GIT2: variants seen among roughly 807,000 people sequenced by gnomAD.
The protein encoded by GIT2 is ARF GTPase-activating protein GIT2.
GIT2 carries 32 observed loss-of-function variants against 100.3 expected under a neutral mutation model. The observed-to-expected ratio is 0.32, with a 90% CI of 0.24 to 0.43. The LOEUF is 0.43. Among genes scored for constraint, GIT2 ranks in the 20% least tolerant of loss-of-function variants. The probability of loss-of-function intolerance (pLI) is 1.00; values close to 1 mark genes in which losing one functional copy is unlikely to be tolerated. For synonymous variants in GIT2, 353 were observed against 364.1 expected (o/e 0.97, Z 0.35); for missense variants, 737 against 975.1 (o/e 0.76, Z 3.25).
chr12:109,951,773 T>A (rs1329558236), intron 13 of GIT2, among the ~76,000 whole-genome samples: 4 of 152,066 alleles, frequency 2.6e-5, no homozygotes, highest in Non-Finnish European at 2.9e-5. Context: ...ATATATTGCA[T>A]GATTGAGGGT....
At chr12:109,987,149 G>A (rs1423093162) in intron 4 of GIT2, among the ~76,000 whole-genome samples, 13 of 152,008 alleles carry the variant, frequency 8.6e-5, no homozygotes, top group African/African-American at 1.9e-4. Flanking sequence ...TTGGGAGGCC[G>A]AGGCGGGAGG....
Position 109,951,294 on chromosome 12 carries a change from T to C in GIT2, c.1265A>G (p.Asp422Gly). ...AAATTCCTGTACAGTGACTGGTCCA[T>C]CTGATAAATCTGAATCTAGGCTCTA... is the stretch of plus-strand genomic sequence containing the variant. ...RQKSLDSDLS[D>G]GPVTVQEFME... The change falls in exon 14 of 20, where the codon GAT (aspartate) becomes GGT (glycine). Residue 422 changes from aspartate to glycine, a missense_variant. Around this residue, in one of 3 missense-constraint regions of GIT2, gnomAD observed 451 missense variants for 543.7 expected, o/e 0.83. Coordinates refer to ENST00000355312, the MANE Select transcript of GIT2 (RefSeq NM_057169.5). 1 of 1,611,828 alleles carries C rather than the reference T, an allele frequency of 6.2e-7. No individual in the cohort carries two copies. Among genetic ancestry groups the C allele is most frequent in the Non-Finnish European group, 8.5e-7 (1 of 1,177,980 alleles).
At chr12:109,996,462 G>T, upstream of GIT2, 2 of 505,374 alleles carry the variant, frequency 4.0e-6, no homozygotes, top group South Asian at 2.6e-5. Context: ...GTGAGGGCAG[G>T]AGACTGCCCG....
chr12:109,987,763 C>T (rs1272729889), intron 4 of GIT2, among the ~76,000 whole-genome samples: 1 of 152,074 alleles, frequency 6.6e-6, no homozygotes, highest in Non-Finnish European at 1.5e-5. Context: ...CCATCGCACC[C>T]GGCCAAAAAG....
rs1193890785 is a variant in GIT2 at position 109,989,743 on chromosome 12, G to A, written c.246C>T (p.Asp82=). 2 of 1,606,796 alleles carry A rather than the reference G, an allele frequency of 1.2e-6. No individual in the cohort carries two copies. Among genetic ancestry groups the A allele is most frequent in the Non-Finnish European group, 1.7e-6 (2 of 1,173,472 alleles). Residue 82 remains aspartate (D), a synonymous_variant, in exon 3 of 20, where the codon GAC becomes GAT. Transcript: ENST00000355312. ...GTCTTCCACTCATAATAGACGCAGG[G>A]TCCAGCAAAGAATGCTCCCATATAG... ...ANSIWEHSLL[D]PASIMSGRRK... is the part of the protein sequence containing the mutation.
intron 12 of GIT2, among the ~76,000 whole-genome samples, chr12:109,955,021 T>C (rs1879024663): frequency 6.6e-6 from 1 of 152,188 alleles, no homozygotes; most frequent in Non-Finnish European, 1.5e-5. Flanking sequence ...AATGAACAAG[T>C]AAGATAATCA....
intron 9 of GIT2, 121 bp from the exon 10 acceptor site, chr12:109,961,806 A>G: frequency 2.9e-6 from 2 of 688,188 alleles, no homozygotes; most frequent in Non-Finnish European, 2.6e-6. Flanking sequence ...TGCTTGGTAC[A>G]TACCCACTGT....
chr12:109,961,982 G>T (rs938519249), intron 9 of GIT2, among the ~76,000 whole-genome samples: 32 of 152,258 alleles, frequency 2.1e-4, no homozygotes, highest in African/African-American at 7.2e-4. Context: ...TACTCTTCTT[G>T]TGATATCATC....
rs1360416708 is a variant in GIT2, at chr12:109,948,895, T to C, written c.1393-1391A>G. On this transcript the variant is annotated intron_variant, in intron 14 of 19. Transcript: ENST00000355312. The surrounding 1 kb of genome is among the most constrained non-coding windows in gnomAD (Gnocchi z 4.3). ...ACAAATCATGCTACTTTGTCAACTTTATGTATATTAAAAACTTTACCCAAC... is the reference window on the plus strand; with the variant it reads ...ACAAATCATGCTACTTTGTCAACTTCATGTATATTAAAAACTTTACCCAAC... The C allele has an allele frequency of 6.8e-6, 9 of 1,328,178 alleles. No individual in the cohort carries two copies. The highest frequency in any genetic ancestry group is 3.7e-4 in the Middle Eastern group (2 of 5,370). 82.3% of individuals were successfully genotyped at this position (1,328,178 alleles called of 1,614,324 possible). A position where few individuals can be genotyped will look rare whatever the true frequency, so the allele number is the denominator to read the frequency against.
rs771991069 is a variant in GIT2 at position 109,993,863 on chromosome 12, TA to T, written c.53-2104del. Among the ~76,000 whole-genome samples, 449 of 142,376 alleles carry T rather than the reference TA, an allele frequency of 3.2e-3. 1 individual carries two copies. Among genetic ancestry groups the T allele is most frequent in the Admixed American group, 5.2e-3 (73 of 14,136 alleles). The allele number at this position is 142,376 out of a possible 152,430, so 93.4% of individuals were successfully genotyped here. A position where few individuals can be genotyped will look rare whatever the true frequency, so the allele number is the denominator to read the frequency against. ...TGTATTTGAAATGAACCAGATTCAT[TA>T]AAAAAAAAAAAGTAGAATATTTAAG... is the stretch of plus-strand genomic sequence containing the variant. On this transcript the variant is annotated intron_variant, in intron 1 of 19. Coordinates refer to ENST00000355312, the MANE Select transcript of GIT2 (RefSeq NM_057169.5).
Position 109,962,509 on chromosome 12 carries a change from G to C in GIT2, c.817-824C>G, listed in dbSNP as rs905840342. ...CTCCAGAAGGAAGCTTCCTACCAAA[G>C]CACAGCCTGACTCTTCAGCACACAA... On this transcript the variant is annotated intron_variant, in intron 9 of 19. Coordinates refer to ENST00000355312, the MANE Select transcript of GIT2 (RefSeq NM_057169.5). This position sits in a 1 kb window ranked among gnomAD's most constrained non-coding sequence, Gnocchi z 4.3. Among the ~76,000 whole-genome samples, 1 of 152,162 alleles carries C rather than the reference G, an allele frequency of 6.6e-6. No individual in the cohort carries two copies. The highest frequency in any genetic ancestry group is 6.6e-5 in the Admixed American group (1 of 15,264).
At chr12:109,965,747 C>G (rs1330099527) in intron 8 of GIT2, 170 bp from the exon 9 acceptor site, 1 of 750,006 alleles carries the variant, frequency 1.3e-6, no homozygotes, top group Non-Finnish European at 2.5e-6. Flanking sequence ...ACAGAACAAT[C>G]TGGTGAAAGT....
At chr12:109,938,013 T>C (rs548784869) in intron 18 of GIT2, among the ~76,000 whole-genome samples, 1 of 152,220 alleles carries the variant, frequency 6.6e-6, no homozygotes, top group South Asian at 2.1e-4. Flanking sequence ...CAGGATACCT[T>C]TTGTGTCAGC....
At position 109,933,277 on chromosome 12, in the gene GIT2, G is replaced by C. The variant is rs1438496042; in HGVS notation, c.2068-87C>G. On this transcript the variant is annotated intron_variant, in intron 19 of 19. Transcript: ENST00000355312. The surrounding 1 kb of genome is among the most constrained non-coding windows in gnomAD (Gnocchi z 4.5). ...CAAACATTCTTCTAAAGCAAACCAA[G>C]CTGCTCCCCAGAGTGAAAGGCGGTT... is the stretch of plus-strand genomic sequence containing the variant. 1 of 793,264 alleles carries C rather than the reference G, an allele frequency of 1.3e-6. No individual in the cohort carries two copies. The highest frequency in any genetic ancestry group is 2.1e-6 in the Non-Finnish European group (1 of 476,728). 49.1% of individuals were successfully genotyped at this position (793,264 alleles called of 1,614,324 possible). A position where few individuals can be genotyped will look rare whatever the true frequency, so the allele number is the denominator to read the frequency against.
In GIT2 at chr12:109,932,618, T is replaced by C. The variant is rs1871839055; in HGVS notation, c.*360A>G. The C allele has an allele frequency of 5.6e-6, 1 of 177,828 alleles. No individual in the cohort carries two copies. Among genetic ancestry groups the C allele is most frequent in the Admixed American group, 5.7e-5 (1 of 17,468 alleles). The allele number at this position is 177,828 out of a possible 1,614,324, so 11.0% of individuals were successfully genotyped here. A position where few individuals can be genotyped will look rare whatever the true frequency, so the allele number is the denominator to read the frequency against. On this transcript the variant is annotated 3_prime_UTR_variant, in exon 20 of 20. Transcript: ENST00000355312. Reference sequence around the variant, plus strand: ...ACTGAACTCTCTCAAGAAAATGTTTTATGAAAAATTTCATTTATAGTTTCA... The same window carrying C: ...ACTGAACTCTCTCAAGAAAATGTTTCATGAAAAATTTCATTTATAGTTTCA...
upstream of GIT2, among the ~76,000 whole-genome samples, chr12:109,996,919 A>G (rs970916569): frequency 1.3e-5 from 2 of 151,938 alleles, no homozygotes; most frequent in African/African-American, 2.4e-5. Context: ...TCTACTAAAA[A>G]TACAAAAATT....
upstream of GIT2, chr12:109,999,580 C>T: frequency 1.1e-6 from 1 of 902,632 alleles, no homozygotes; most frequent in Non-Finnish European, 1.6e-6. The surrounding 1 kb of genome is among the most constrained non-coding windows in gnomAD (Gnocchi z 4.3). Context: ...CGTAACACGC[C>T]CTACGCTCGC....
At chr12:109,992,431 GC>G (rs1416775543) in intron 1 of GIT2, among the ~76,000 whole-genome samples, 1 of 152,098 alleles carries the variant, frequency 6.6e-6, no homozygotes, top group Non-Finnish European at 1.5e-5. Flanking sequence ...ACAGGCGTGA[GC>G]CACTGTGCCC....
At chr12:109,992,307 C>T (rs991522552) in intron 1 of GIT2, among the ~76,000 whole-genome samples, 7 of 151,416 alleles carry the variant, frequency 4.6e-5, no homozygotes, top group African/African-American at 1.2e-4. Context: ...CCACCACGCC[C>T]GGCTAATTTT....
Sources: gnomAD v4.1 joint callset for allele counts (sites outside exome capture counted in the v4.1 genomes callset) on GRCh38, gnomAD v4.1.1 for gene constraint, gnomAD v4.1.1 regional missense constraint, Gnocchi (gnomAD v3.1) non-coding constraint, MANE v1.5 for transcripts, NCBI Gene and HGNC (gene_info 2026-07-23, HGNC 2026-07-21) for gene names.